REEP1: variants seen among roughly 807,000 people sequenced by gnomAD.
The protein encoded by REEP1 is receptor expression-enhancing protein 1.
In REEP1, 22 loss-of-function variants were observed where a neutral mutation model predicts 40.3. The ratio of observed to expected loss-of-function variants is 0.55; its 90% CI spans 0.39 to 0.78. The LOEUF is 0.78. REEP1 is among the 30% of genes least tolerant of loss of function. The pLI is 0.00. For missense variants in REEP1, 280 were observed against 361.1 expected (o/e 0.78, Z 1.82); for synonymous variants, 116 against 139.2 (o/e 0.83, Z 1.17).
chr2:86,313,298 T>TA (rs1228489303), intron 1 of REEP1, among the ~76,000 whole-genome samples: 1 of 148,638 alleles, frequency 6.7e-6, no homozygotes, highest in Non-Finnish European at 1.5e-5. Context: ...TTCTTTTCTT[T>TA]TCTTTTTTTT....
chr2:86,254,550 TA>T (rs542423266), intron 4 of REEP1, 143 bp downstream of exon 4: 86 of 799,868 alleles, frequency 1.1e-4, no homozygotes, highest in South Asian at 3.0e-4. Flanking sequence ...GAAATACACT[TA>T]AAAAAAACGA....
chr2:86,244,750 C>A (rs1014618545), intron 5 of REEP1, among the ~76,000 whole-genome samples: 1 of 152,166 alleles, frequency 6.6e-6, no homozygotes, highest in Non-Finnish European at 1.5e-5. Context: ...AAAGGAGAAC[C>A]CTGGAGGGTT....
intron 5 of REEP1, among the ~76,000 whole-genome samples, chr2:86,237,564 C>G (rs983634701): frequency 1.3e-5 from 2 of 152,144 alleles, no homozygotes; most frequent in African/African-American, 4.8e-5. Context: ...CTCTTGTCAG[C>G]CAGGCTGGAG....
chr2:86,297,638 C>T (rs1679048766), intron 1 of REEP1: 8 of 907,486 alleles, frequency 8.8e-6, no homozygotes, highest in South Asian at 1.0e-4. Context: ...AGATTCTCCC[C>T]GGGGGTTGGA....
chr2:86,324,804 C>T (rs1680427895), intron 1 of REEP1, among the ~76,000 whole-genome samples: 1 of 152,114 alleles, frequency 6.6e-6, no homozygotes, highest in Non-Finnish European at 1.5e-5. Flanking sequence ...AAAGGTATAC[C>T]AGGAAACACA....
chr2:86,232,631 T>TGCTA lies in REEP1; in HGVS notation c.585_588dup (p.Ser197Ter), dbSNP rs768502236. 1 of 1,612,868 alleles carries TGCTA rather than the reference T, an allele frequency of 6.2e-7. No individual in the cohort carries two copies. The highest frequency in any genetic ancestry group is 8.5e-7 in the Non-Finnish European group (1 of 1,179,988). On this transcript the variant is annotated stop_gained and frameshift_variant, in exon 6 of 9. Transcript: ENST00000538924. LOFTEE classifies it high-confidence loss of function. ...GAAGTAAAGTGACACCTACCTGAGC[T>TGCTA]GCTAGCGCTCTCAGAAGCACTCCTG...
chr2:86,307,097 C>T (rs192617960), intron 1 of REEP1, among the ~76,000 whole-genome samples: 26 of 151,368 alleles, frequency 1.7e-4, no homozygotes, highest in East Asian at 3.9e-4. Context: ...CCCAGCTACT[C>T]GGGTGCTGAG....
chr2:86,287,030 T>C (rs761398766), intron 1 of REEP1, among the ~76,000 whole-genome samples: 14 of 152,222 alleles, frequency 9.2e-5, no homozygotes, highest in Non-Finnish European at 1.5e-5. Context: ...GAATGCTGTG[T>C]TTCTTGACCT....
chr2:86,323,118 T>A (rs115403492), intron 1 of REEP1, among the ~76,000 whole-genome samples: 4,588 of 152,034 alleles, frequency 0.03, 120 homozygotes, highest in East Asian at 0.07. Flanking sequence ...CAGGAGAACC[T>A]CTTGCACCCA....
chr2:86,296,312 T>C (rs1298066073), intron 1 of REEP1, among the ~76,000 whole-genome samples: 2 of 152,246 alleles, frequency 1.3e-5, no homozygotes, highest in African/African-American at 4.8e-5. Context: ...ATGATTATAA[T>C]TTCCGTTTCA....
intron 1 of REEP1, among the ~76,000 whole-genome samples, chr2:86,295,193 G>A (rs1172365256): frequency 3.9e-5 from 6 of 152,240 alleles, no homozygotes; most frequent in Non-Finnish European, 7.3e-5. Flanking sequence ...AGCTGCTAAA[G>A]TGCGCTTCTG....
At chr2:86,255,472 G>A (rs1676507618) in intron 3 of REEP1, among the ~76,000 whole-genome samples, 1 of 152,122 alleles carries the variant, frequency 6.6e-6, no homozygotes, top group Non-Finnish European at 1.5e-5. Context: ...ACATAATTCT[G>A]GAGTTTGCAG....
chr2:86,251,708 A>G (rs1016288657), intron 5 of REEP1: 48 of 548,748 alleles, frequency 8.7e-5, no homozygotes, highest in African/African-American at 8.1e-4. Context: ...TTAACCTGGG[A>G]CGCACAGATG....
At chr2:86,241,986 G>A (rs374652845) in intron 5 of REEP1, among the ~76,000 whole-genome samples, 4 of 152,238 alleles carry the variant, frequency 2.6e-5, no homozygotes, top group East Asian at 3.9e-4. Flanking sequence ...CTGTGCAGAA[G>A]AGCCTGCCTT....
intron 6 of REEP1, among the ~76,000 whole-genome samples, chr2:86,229,598 C>CTTTTT (rs70956106): frequency 8.7e-6 from 1 of 114,444 alleles, no homozygotes; most frequent in Non-Finnish European, 1.7e-5. Context: ...ACCTGTCTTC[C>CTTTTT]TTTTTTTTTT....
At chr2:86,257,597 A>G (rs1676632308) in intron 3 of REEP1, among the ~76,000 whole-genome samples, 1 of 150,918 alleles carries the variant, frequency 6.6e-6, no homozygotes, top group South Asian at 2.1e-4. Context: ...TGCCTTGGGG[A>G]CTATCTCATA....
At chr2:86,278,846 T>G (rs543280594) in intron 2 of REEP1, among the ~76,000 whole-genome samples, 2 of 152,370 alleles carry the variant, frequency 1.3e-5, no homozygotes, top group South Asian at 4.1e-4. Flanking sequence ...CTGGGTATCT[T>G]TCTCCTGCTA....
chr2:86,330,794 G>A (rs534665408), intron 1 of REEP1, among the ~76,000 whole-genome samples: 13 of 152,156 alleles, frequency 8.5e-5, no homozygotes, highest in Non-Finnish European at 1.8e-4. Context: ...CAGTCAGCCT[G>A]GGACTCTCAG....
chr2:86,319,586 T>C (rs1680190565), intron 1 of REEP1, among the ~76,000 whole-genome samples: 2 of 152,082 alleles, frequency 1.3e-5, no homozygotes, highest in African/African-American at 4.8e-5. Flanking sequence ...TTTCAGCTAC[T>C]TGGGAGGCTG....
Sources: gnomAD v4.1 joint callset for allele counts (sites outside exome capture counted in the v4.1 genomes callset) on GRCh38, gnomAD v4.1.1 for gene constraint, MANE v1.5 for transcripts, NCBI Gene and HGNC (gene_info 2026-07-23, HGNC 2026-07-21) for gene names.